Variants in SETD9 observed in about 807,000 individuals in gnomAD.
SETD9 encodes the protein SET domain containing 9.
Under a neutral mutation model 36.4 loss-of-function variants are expected in SETD9, and 37 were observed. The observed-to-expected ratio is 1.02, with a 90% CI of 0.78 to 1.34. The LOEUF is 1.34. SETD9 is among the 40% of genes most tolerant of loss of function. The probability of loss-of-function intolerance (pLI) is 0.00; values close to 1 mark genes in which losing one functional copy is unlikely to be tolerated. For missense variants in SETD9, 323 were observed against 353.2 expected, an observed-to-expected ratio of 0.91 and a Z score of 0.69; for synonymous variants, 128 against 132.9, an observed-to-expected ratio of 0.96 and a Z score of 0.26.
chr5:56,912,740 CATATACAT>C (rs1285700919), intron 2 of SETD9, among the ~76,000 whole-genome samples: 3 of 151,982 alleles, frequency 2.0e-5, no homozygotes, highest in African/African-American at 7.3e-5. Context: ...TATATATACA[CATATACAT>C]ATAAATGTGT....
At chr5:56,921,601 TCA>T (rs1288298769), downstream of SETD9, 18 of 152,736 alleles carry the variant, frequency 1.2e-4, no homozygotes, top group East Asian at 3.9e-4. Context: ...TCATTGCAGT[TCA>T]CAGTTTGTAT....
chr5:56,912,154 CA>C lies in SETD9; in HGVS notation c.466+626del, dbSNP rs927789969. The C allele has an allele frequency of 9.3e-6, 9 of 968,072 alleles. No individual in the cohort carries two copies. In the South Asian group the frequency reaches 2.9e-4, roughly 31 times the overall value. 60.0% of individuals were successfully genotyped at this position (968,072 alleles called of 1,614,324 possible). A position where few individuals can be genotyped will look rare whatever the true frequency, so the allele number is the denominator to read the frequency against. ...TGGGTGACAGTGCTAGGCTCCATCTCAAAAAAAAGAAAAAAAAAAAGCGTAC... is the reference window on the plus strand; with the variant it reads ...TGGGTGACAGTGCTAGGCTCCATCTCAAAAAAAGAAAAAAAAAAAGCGTAC... On this transcript the variant is annotated intron_variant, in intron 2 of 5. Transcript: ENST00000285947.
intron 5 of SETD9, chr5:56,923,545 A>T: frequency 6.2e-7 from 1 of 1,614,066 alleles, no homozygotes; most frequent in Non-Finnish European, 8.5e-7. Flanking sequence ...AACAATTCAC[A>T]TCTGTGGGGT....
chr5:56,911,033 T>A, intron 1 of SETD9, 136 bp from the exon 2 acceptor site: 1 of 1,005,354 alleles, frequency 9.9e-7, no homozygotes, highest in Admixed American at 2.9e-5. Flanking sequence ...AATTCTTTTC[T>A]GAACTTAGTT....
In SETD9 at chr5:56,916,811, T is replaced by C. The variant is rs1318194030; in HGVS notation, c.813-4T>C. The C allele has an allele frequency of 3.8e-6, 6 of 1,599,970 alleles. No homozygotes were observed. The highest frequency in any genetic ancestry group is 5.1e-6 in the Non-Finnish European group (6 of 1,175,752). ...CTACCTTTTGTATATCTTTTTGTTTTCAGCCCACTTCGATGTGTTGTTCTT... is the reference window on the plus strand; with the variant it reads ...CTACCTTTTGTATATCTTTTTGTTTCCAGCCCACTTCGATGTGTTGTTCTT... On this transcript the variant is annotated splice_polypyrimidine_tract_variant and splice_region_variant and intron_variant, in intron 5 of 5. Transcript: ENST00000285947.
intron 4 of SETD9, 26 bp from the exon 5 acceptor site, chr5:56,914,835 T>A (rs760802828): frequency 1.3e-6 from 2 of 1,518,062 alleles, no homozygotes; most frequent in Admixed American, 3.6e-5. Context: ...TGGCTCTTTT[T>A]CTAAAAATGA....
At chr5:56,919,787 G>A (rs751772460), downstream of SETD9, 3 of 152,524 alleles carry the variant, frequency 2.0e-5, no homozygotes, top group Non-Finnish European at 4.4e-5. Flanking sequence ...CATACTCACA[G>A]GGTACTTATT....
intron 3 of SETD9, among the ~76,000 whole-genome samples, chr5:56,913,387 CT>C (rs200264670): frequency 1.1e-3 from 155 of 141,536 alleles, no homozygotes; most frequent in Non-Finnish European, 1.3e-3. Context: ...ATTTTTTTTA[CT>C]TTTTTTTTTT....
chr5:56,923,135 G>A lies in SETD9; in HGVS notation c.813-2198G>A, dbSNP rs757870396. The A allele has an allele frequency of 3.7e-6, 6 of 1,612,724 alleles. No homozygotes were observed. In the South Asian group the frequency reaches 6.6e-5, roughly 18 times the overall value. On this transcript the variant is annotated intron_variant, in intron 5 of 5. Coordinates refer to the SETD9 transcript ENST00000628593. ...CCGGGATCCTCACTCAGGTCACTCA[G>A]AGTGTAGGGCCGCGTGCTGATGCAG...
chr5:56,918,474 T>C (rs1285367840), downstream of SETD9, among the ~76,000 whole-genome samples: 1 of 152,188 alleles, frequency 6.6e-6, no homozygotes, highest in African/African-American at 2.4e-5. Context: ...AGATGGAAAT[T>C]ATGGCCAAAA....
chr5:56,911,628 G>T, intron 2 of SETD9, 92 bp downstream of exon 2: 2 of 1,323,718 alleles, frequency 1.5e-6, no homozygotes, highest in South Asian at 2.0e-5. Flanking sequence ...AATCCTTAGA[G>T]TAAGGGATTA....
chr5:56,911,554 A>G lies in SETD9; in HGVS notation c.466+18A>G, dbSNP rs376914686. The G allele has an allele frequency of 2.3e-4, 343 of 1,506,896 alleles. 1 individual carries two copies. The highest frequency in any genetic ancestry group is 2.8e-4 in the Non-Finnish European group (323 of 1,134,540). 93.3% of individuals were successfully genotyped at this position (1,506,896 alleles called of 1,614,324 possible). ...GTATCCTGGTAACAGCACGATTAAT[A>G]TTATACTTTGCCAAGCTTCTTACGT... is the stretch of plus-strand genomic sequence containing the variant. On this transcript the variant is annotated intron_variant, in intron 2 of 5. Transcript: ENST00000285947.
At position 56,917,255 on chromosome 5, in the gene SETD9, G is replaced by A; in HGVS notation, c.*353G>A. 9.6e-7 allele frequency: 1 copy of A among 1,036,688 alleles called. No homozygotes were observed. Among genetic ancestry groups the A allele is most frequent in the Middle Eastern group, 4.7e-4 (1 of 2,134 alleles). 64.2% of individuals were successfully genotyped at this position (1,036,688 alleles called of 1,614,324 possible). The stretch of plus-strand genomic sequence containing the variant: ...ATAAAATTGTAGCCAGGCATCAGCA[G>A]TTCTTGTAGTACTGCTGATGTGTAC... On this transcript the variant is annotated 3_prime_UTR_variant, in exon 6 of 6. Transcript: ENST00000285947.
chr5:56,910,502 A>G, intron 1 of SETD9: 1 of 977,002 alleles, frequency 1.0e-6, no homozygotes, highest in African/African-American at 1.7e-5. Flanking sequence ...CAAATAGGGA[A>G]ACAAAGCGGT....
intron 5 of SETD9, chr5:56,923,922 C>G: frequency 6.2e-7 from 1 of 1,614,044 alleles, no homozygotes; most frequent in Non-Finnish European, 8.5e-7. Flanking sequence ...TACGTAACTC[C>G]AGGGTGATGG....
At chr5:56,910,109 G>T in intron 1 of SETD9, 5 of 1,244,366 alleles carry the variant, frequency 4.0e-6, no homozygotes, top group Non-Finnish European at 4.1e-6. Flanking sequence ...TCCCTGTTGC[G>T]TTCGGCACTG....
At position 56,912,382 on chromosome 5, in the gene SETD9, G is replaced by A. The variant is rs985003584; in HGVS notation, c.467-629G>A. 2.7e-5 allele frequency: 11 copies of A among 408,996 alleles called. No individual in the cohort carries two copies. The South Asian group carries it at 1.0e-3, about 37-fold the overall frequency. 25.3% of individuals were successfully genotyped at this position (408,996 alleles called of 1,614,324 possible). On this transcript the variant is annotated intron_variant, in intron 2 of 5. Coordinates refer to ENST00000285947, the MANE Select transcript of SETD9 (RefSeq NM_153706.4). ...TGTGTGTGAATATTTGAGTCAGATA[G>A]ACCCAGGTTTTTAAAAATTCATTCT...
At chr5:56,928,710 T>G (rs1280319515), downstream of SETD9, 4 of 1,215,132 alleles carry the variant, frequency 3.3e-6, no homozygotes, top group Non-Finnish European at 4.7e-6. Flanking sequence ...ACTTATAAAT[T>G]AGTTGCTTAC....
intron 5 of SETD9, among the ~76,000 whole-genome samples, chr5:56,916,585 A>T (rs1749438800): frequency 6.6e-6 from 1 of 152,204 alleles, no homozygotes. Context: ...TTTTCAGAAG[A>T]AGTAGTCAGT....
Sources: gnomAD v4.1 joint callset for allele counts (sites outside exome capture counted in the v4.1 genomes callset) on GRCh38, gnomAD v4.1.1 for gene constraint, MANE v1.5 for transcripts, NCBI Gene and HGNC (gene_info 2026-07-23, HGNC 2026-07-21) for gene names.